Variants in FOXN3 observed in about 807,000 individuals in gnomAD.
The protein encoded by FOXN3 is forkhead box N3, also known as forkhead box protein N3.
FOXN3 carries 7 observed loss-of-function variants against 38.4 expected under a neutral mutation model. The observed-to-expected ratio is 0.18, with a 90% CI of 0.10 to 0.34. The LOEUF (loss-of-function observed/expected upper bound fraction) is 0.34. Ranked by LOEUF, FOXN3 falls within the 10% of genes least tolerant of loss-of-function variation. FOXN3 has a pLI of 1.00. For synonymous variants in FOXN3, 230 were observed against 242.2 expected (o/e 0.95, Z 0.47); for missense variants, 456 against 613.4 (o/e 0.74, Z 2.71).
Position 89,308,430 on chromosome 14 carries a change from T to C in FOXN3, c.681-27416A>G, listed in dbSNP as rs148494126. 2.9e-3 allele frequency among the ~76,000 whole-genome samples: 448 copies of C among 152,390 alleles called. 5 individuals carry two copies. Among genetic ancestry groups the C allele is most frequent in the African/African-American group, 9.8e-3 (408 of 41,600 alleles). ...TCTGTGCAGATGCACGCACTTGCTG[T>C]GGCCACTATGGGTCTCCAGTCTACT... On this transcript the variant is annotated intron_variant, in intron 3 of 5. Transcript: ENST00000557258.
chr14:89,554,736 T>C (rs7154730), intron 1 of FOXN3, among the ~76,000 whole-genome samples: 5,500 of 150,138 alleles, frequency 0.037, 323 homozygotes, highest in African/African-American at 0.13. Context: ...TATCTAAATC[T>C]ACTGCTGCAT....
intron 1 of FOXN3, among the ~76,000 whole-genome samples, chr14:89,508,825 C>T (rs537697490): frequency 6.6e-6 from 1 of 152,238 alleles, no homozygotes; most frequent in Non-Finnish European, 1.5e-5. Context: ...TGCTGCTGGC[C>T]CTGGGACCAT....
At chr14:89,415,784 A>G (rs1197522632) in intron 1 of FOXN3, among the ~76,000 whole-genome samples, 9 of 149,436 alleles carry the variant, frequency 6.0e-5, no homozygotes, top group African/African-American at 2.2e-4. Context: ...TCTGCTGCCA[A>G]CAAGGCTGCT....
chr14:89,441,876 A>G (rs902733873), intron 1 of FOXN3, among the ~76,000 whole-genome samples: 1 of 149,636 alleles, frequency 6.7e-6, no homozygotes, highest in African/African-American at 2.5e-5. Flanking sequence ...TGAGGTTGGG[A>G]TCTCAGCACC....
At chr14:89,474,682 C>T (rs1893174220) in intron 1 of FOXN3, among the ~76,000 whole-genome samples, 1 of 151,966 alleles carries the variant, frequency 6.6e-6, no homozygotes, top group Admixed American at 6.6e-5. Flanking sequence ...TTCAGTTGAA[C>T]ACACAGACAA....
At chr14:89,219,378 T>A (rs57355761) in intron 4 of FOXN3, among the ~76,000 whole-genome samples, 1 of 152,102 alleles carries the variant, frequency 6.6e-6, no homozygotes, top group South Asian at 2.1e-4. Context: ...ACCTCTTTAC[T>A]TTATAAATTA....
intron 4 of FOXN3, among the ~76,000 whole-genome samples, chr14:89,267,453 G>A (rs1002159629): frequency 4.6e-5 from 7 of 152,172 alleles, no homozygotes; most frequent in African/African-American, 1.7e-4. Context: ...CTGGGGCGGT[G>A]CTCTGGCTGG....
At chr14:89,498,939 G>C (rs171463) in intron 1 of FOXN3, among the ~76,000 whole-genome samples, 59,727 of 151,954 alleles carry the variant, frequency 0.39, 13,949 homozygotes, top group Non-Finnish European at 0.52. Flanking sequence ...CAACGAATTG[G>C]GCAAAGTCTG....
chr14:89,266,660 G>A (rs191160851), intron 4 of FOXN3, among the ~76,000 whole-genome samples: 7 of 152,228 alleles, frequency 4.6e-5, no homozygotes, highest in East Asian at 1.9e-4. Flanking sequence ...CAGAAGTAAC[G>A]GGATAACCAA....
chr14:89,347,747 AT>A (rs1888805821), intron 3 of FOXN3, among the ~76,000 whole-genome samples: 1 of 152,060 alleles, frequency 6.6e-6, no homozygotes, highest in Non-Finnish European at 1.5e-5. Context: ...AGTTCAAGAG[AT>A]TGAGACCAGC....
At chr14:89,327,176 T>C (rs538742710) in intron 3 of FOXN3, among the ~76,000 whole-genome samples, 9 of 152,314 alleles carry the variant, frequency 5.9e-5, no homozygotes, top group Middle Eastern at 3.4e-3. Context: ...TGAGAGATCA[T>C]ATAATGTTTC....
rs1419967157 is a variant in FOXN3 at position 89,437,070 on chromosome 14, A to G, written c.-14-24580T>C. ...GCTGAGACAGGAGAATCAATTGAACATGGGAGGCTGAGACAGGAGAATCAA... is the reference window on the plus strand; with the variant it reads ...GCTGAGACAGGAGAATCAATTGAACGTGGGAGGCTGAGACAGGAGAATCAA... On this transcript the variant is annotated intron_variant, in intron 1 of 6. Coordinates refer to the FOXN3 transcript ENST00000345097. Among the ~76,000 whole-genome samples the G allele has an allele frequency of 3.3e-5, 5 of 152,010 alleles. No homozygotes were observed. In the East Asian group the frequency reaches 9.7e-4, roughly 30 times the overall value.
intron 1 of FOXN3, among the ~76,000 whole-genome samples, chr14:89,543,141 A>G (rs1596312605): frequency 6.6e-6 from 1 of 152,326 alleles, no homozygotes. Context: ...TTCAACCACC[A>G]AATAAGTTTG....
At chr14:89,461,336 C>CAAAAAAAAAAAAAAA (rs750351493) in intron 1 of FOXN3, among the ~76,000 whole-genome samples, 48 of 129,044 alleles carry the variant, frequency 3.7e-4, no homozygotes, top group African/African-American at 1.3e-3. Context: ...GGCTCTGTCT[C>CAAAAAAAAAAAAAAA]AAAAAAAAAA....
intron 2 of FOXN3, among the ~76,000 whole-genome samples, chr14:89,354,139 T>C (rs1889094738): frequency 6.6e-6 from 1 of 152,178 alleles, no homozygotes; most frequent in South Asian, 2.1e-4. Context: ...TATAGTTGTG[T>C]AGTAAGTTTG....
chr14:89,578,803 C>T (rs1895685076), intron 1 of FOXN3, among the ~76,000 whole-genome samples: 2 of 152,106 alleles, frequency 1.3e-5, no homozygotes, highest in East Asian at 3.9e-4. Flanking sequence ...CTCCTCTTAA[C>T]TGGTCTCTCT....
chr14:89,393,353 G>A (rs1891009517), intron 2 of FOXN3, among the ~76,000 whole-genome samples: 1 of 152,126 alleles, frequency 6.6e-6, no homozygotes, highest in South Asian at 2.1e-4. Flanking sequence ...CACATTCGTG[G>A]TACCAGAGAT....
chr14:89,181,315 C>T (rs945126653), intron 4 of FOXN3, among the ~76,000 whole-genome samples: 1 of 152,202 alleles, frequency 6.6e-6, no homozygotes, highest in African/African-American at 2.4e-5. Flanking sequence ...AACCCCAACA[C>T]TGTAGGAAAG....
chr14:89,206,399 TGTATCTGGG>T (rs1440019853), intron 4 of FOXN3, among the ~76,000 whole-genome samples: 1 of 152,010 alleles, frequency 6.6e-6, no homozygotes, highest in Admixed American at 6.6e-5. Flanking sequence ...CTCTTCAGTT[TGTATCTGGG>T]GCATACTTGT....
Sources: allele counts gnomAD v4.1 joint callset (sites outside exome capture counted in the v4.1 genomes callset), GRCh38; gene constraint gnomAD v4.1.1; transcripts MANE v1.5; gene names NCBI Gene and HGNC (gene_info 2026-07-23, HGNC 2026-07-21).